The following GRIN2A variants were observed in gnomAD, a reference collection of about 807,000 sequenced individuals.
GRIN2A encodes the protein glutamate receptor ionotropic, NMDA 2A.
Under a neutral mutation model 113.4 loss-of-function variants are expected in GRIN2A, and 22 were observed. The observed-to-expected ratio is 0.19, with a 90% CI of 0.14 to 0.28. The LOEUF is 0.28. Ranked by LOEUF, GRIN2A falls within the 10% of genes least tolerant of loss-of-function variation. GRIN2A has a pLI of 1.00. For synonymous variants in GRIN2A, 827 were observed against 738.4 expected (o/e 1.12, Z -1.94); for missense variants, 1,502 against 1,887.0 (o/e 0.80, Z 3.78).
At chr16:9,994,590 A>C (rs8044744) in intron 2 of GRIN2A, among the ~76,000 whole-genome samples, 1 of 152,032 alleles carries the variant, frequency 6.6e-6, no homozygotes. Context: ...AAGATGAGGG[A>C]AATTATTGAT....
At chr16:10,160,400 G>A (rs564793849) in intron 2 of GRIN2A, among the ~76,000 whole-genome samples, 66 of 152,282 alleles carry the variant, frequency 4.3e-4, no homozygotes, top group South Asian at 3.9e-3. Flanking sequence ...GAGCAAGTTC[G>A]TTTCTAGCTT....
At chr16:10,055,043 A>G (rs899413953) in intron 2 of GRIN2A, among the ~76,000 whole-genome samples, 1 of 102,772 alleles carries the variant, frequency 9.7e-6, no homozygotes, top group Non-Finnish European at 1.9e-5. Flanking sequence ...GCGAGACTCT[A>G]TCTCAAAAAA....
At chr16:9,957,411 C>G (rs1233792843) in intron 2 of GRIN2A, among the ~76,000 whole-genome samples, 3 of 152,220 alleles carry the variant, frequency 2.0e-5, no homozygotes, top group African/African-American at 7.2e-5. Context: ...TCTTTCACTT[C>G]TGCGAGCACT....
In GRIN2A at chr16:10,026,089, G is replaced by GA. The variant is rs1351878862; in HGVS notation, c.415-87539dup. ...ATAGAATCTCTGTATGCTCACTACAGAAAAAAATAAAAAAATATCTAGAGC... is the reference window on the plus strand; with the variant it reads ...ATAGAATCTCTGTATGCTCACTACAGAAAAAAAATAAAAAAATATCTAGAGC... On this transcript the variant is annotated intron_variant, in intron 2 of 12. Coordinates refer to ENST00000330684, the MANE Select transcript of GRIN2A (RefSeq NM_001134407.3). Among the ~76,000 whole-genome samples the GA allele has an allele frequency of 1.1e-4, 17 of 152,030 alleles. No homozygotes were observed. In the East Asian group the frequency reaches 3.3e-3, roughly 29 times the overall value.
intron 2 of GRIN2A, among the ~76,000 whole-genome samples, chr16:10,024,617 A>G (rs1423127957): frequency 6.6e-6 from 1 of 152,228 alleles, no homozygotes; most frequent in Non-Finnish European, 1.5e-5. Flanking sequence ...AGAGATCACA[A>G]GATATGCCAA....
In GRIN2A at chr16:9,800,874, C is replaced by A. The variant is rs1903318808; in HGVS notation, c.2169-2410G>T. 2.0e-5 allele frequency among the ~76,000 whole-genome samples: 3 copies of A among 152,102 alleles called. No homozygotes were observed. In the South Asian group the frequency reaches 6.2e-4, roughly 32 times the overall value. On this transcript the variant is annotated intron_variant, in intron 10 of 12. Transcript: ENST00000330684. ...AGAGGAACAGCCAGCAATAGTGAGA[C>A]CTGCAGAAATATGGGATGGAGAGTT...
chr16:10,005,458 G>A (rs546716589), intron 2 of GRIN2A, among the ~76,000 whole-genome samples: 9 of 152,320 alleles, frequency 5.9e-5, no homozygotes, highest in East Asian at 1.9e-4. Flanking sequence ...ATTTCAGAGC[G>A]ATGGTCACAA....
chr16:9,983,039 AC>A lies in GRIN2A; in HGVS notation c.415-44489del, dbSNP rs1284121358. Reference sequence around the variant, plus strand: ...ATGGGGTACGGTGTGATACTTCAATACATGTATACAATGTGTAATGATCAAG... The same window carrying A: ...ATGGGGTACGGTGTGATACTTCAATAATGTATACAATGTGTAATGATCAAG... On this transcript the variant is annotated intron_variant, in intron 2 of 12. Transcript: ENST00000330684. Among the ~76,000 whole-genome samples the A allele has an allele frequency of 4.6e-5, 7 of 152,186 alleles. No homozygotes were observed. In the East Asian group the frequency reaches 1.3e-3, roughly 29 times the overall value.
intron 2 of GRIN2A, among the ~76,000 whole-genome samples, chr16:10,116,788 G>C: frequency 6.6e-6 from 1 of 152,136 alleles, no homozygotes; most frequent in Non-Finnish European, 1.5e-5. Context: ...AAGAAGCCAG[G>C]GTATGCCAAC....
intron 11 of GRIN2A, among the ~76,000 whole-genome samples, chr16:9,785,496 G>A (rs1158088979): frequency 1.3e-5 from 2 of 151,070 alleles, no homozygotes; most frequent in Non-Finnish European, 2.9e-5. Context: ...GTTAAATGAC[G>A]AGTTAATGGG....
chr16:9,878,124 T>C (rs2043408306), intron 4 of GRIN2A, among the ~76,000 whole-genome samples: 1 of 152,170 alleles, frequency 6.6e-6, no homozygotes, highest in Non-Finnish European at 1.5e-5. Flanking sequence ...TTGTCTTACA[T>C]TTATACCACC....
intron 2 of GRIN2A, among the ~76,000 whole-genome samples, chr16:10,067,259 T>C (rs538073254): frequency 6.6e-6 from 1 of 152,330 alleles, no homozygotes; most frequent in South Asian, 2.1e-4. Flanking sequence ...TAATTTGCTT[T>C]AAATCCACAT....
intron 4 of GRIN2A, among the ~76,000 whole-genome samples, chr16:9,874,400 G>A (rs557308750): frequency 1.3e-5 from 2 of 152,352 alleles, no homozygotes; most frequent in African/African-American, 4.8e-5. Context: ...TTAGGAGGCA[G>A]ATTTGCATAC....
intron 11 of GRIN2A, among the ~76,000 whole-genome samples, chr16:9,777,004 T>G (rs1901643866): frequency 6.6e-6 from 1 of 152,228 alleles, no homozygotes; most frequent in South Asian, 2.1e-4. Flanking sequence ...AAGGAAGTTG[T>G]GTATCAGATT....
intron 2 of GRIN2A, among the ~76,000 whole-genome samples, chr16:10,040,466 A>G (rs890790813): frequency 6.7e-6 from 1 of 149,460 alleles, no homozygotes; most frequent in Non-Finnish European, 1.5e-5. Flanking sequence ...AATCCACGCC[A>G]CACACAAATA....
chr16:10,124,682 T>C (rs1407325243), intron 2 of GRIN2A, among the ~76,000 whole-genome samples: 1 of 152,166 alleles, frequency 6.6e-6, no homozygotes, highest in African/African-American at 2.4e-5. Context: ...ATTCATTCAT[T>C]CATTCATGAT....
intron 2 of GRIN2A, among the ~76,000 whole-genome samples, chr16:10,116,308 G>A (rs1785404439): frequency 6.6e-6 from 1 of 152,172 alleles, no homozygotes; most frequent in Non-Finnish European, 1.5e-5. Context: ...ACACACCAGA[G>A]TCTGTTGGTG....
chr16:10,126,532 T>C (rs1228952018), intron 2 of GRIN2A, among the ~76,000 whole-genome samples: 1 of 152,210 alleles, frequency 6.6e-6, no homozygotes, highest in Non-Finnish European at 1.5e-5. Flanking sequence ...GGGCATCTAT[T>C]AGCCATTGAG....
intron 4 of GRIN2A, among the ~76,000 whole-genome samples, chr16:9,855,517 G>C (rs553442531): frequency 2.2e-4 from 33 of 152,082 alleles, no homozygotes; most frequent in Non-Finnish European, 1.3e-4. Context: ...TCACTGATTG[G>C]GTGTCATTCT....
Sources: allele counts gnomAD v4.1 joint callset (sites outside exome capture counted in the v4.1 genomes callset), GRCh38; gene constraint gnomAD v4.1.1; transcripts MANE v1.5; gene names NCBI Gene and HGNC (gene_info 2026-07-23, HGNC 2026-07-21).